Variants in SMAD4 observed in about 807,000 individuals in gnomAD.
SMAD4 encodes MAD homolog 4.
In SMAD4, 7 loss-of-function variants were observed where a neutral mutation model predicts 63.2. That is an observed-to-expected ratio of 0.11 (90% CI 0.06 to 0.21). The LOEUF (loss-of-function observed/expected upper bound fraction) is 0.21. SMAD4 is among the 10% of genes least tolerant of loss of function. The pLI is 1.00. For missense variants in SMAD4, 312 were observed against 693.8 expected, an observed-to-expected ratio of 0.45 and a Z score of 6.18; for synonymous variants, 215 against 235.4, an observed-to-expected ratio of 0.91 and a Z score of 0.79.
chr18:51,034,111 A>T (rs1444181256), intron 1 of SMAD4, among the ~76,000 whole-genome samples: 1 of 152,124 alleles, frequency 6.6e-6, no homozygotes, highest in Non-Finnish European at 1.5e-5. Flanking sequence ...AATTTTTTGC[A>T]GTTTGGAAAA....
At chr18:51,051,413 C>G (rs1327551700) in intron 4 of SMAD4, 1 of 455,612 alleles carries the variant, frequency 2.2e-6, no homozygotes, top group Non-Finnish European at 4.4e-6. Context: ...GATACAAGAG[C>G]AGGTAACTAA....
chr18:51,055,142 T>C (rs551802334), intron 5 of SMAD4, 149 bp downstream of exon 5: 2 of 689,180 alleles, frequency 2.9e-6, no homozygotes, highest in East Asian at 2.7e-5. Flanking sequence ...TAAACAGGTA[T>C]GCACAATCAC....
At position 51,030,565 on chromosome 18, in the gene SMAD4, T is replaced by A. The variant is rs1326393425; in HGVS notation, c.-186T>A. ...CCGCCGGGGAAAGCTACGGGCCCGG[T>A]GCGTCCGCGGACCAGCAGCGCGGGA... On this transcript the variant is annotated 5_prime_UTR_variant, in exon 1 of 12. Transcript: ENST00000342988. The A allele has an allele frequency of 5.3e-5, 8 of 150,236 alleles. No homozygotes were observed. Among genetic ancestry groups the A allele is most frequent in the Non-Finnish European group, 1.0e-4 (7 of 67,396 alleles). The allele number at this position is 150,236 out of a possible 1,614,324, so 9.3% of individuals were successfully genotyped here.
In SMAD4 at chr18:51,083,840, G is replaced by C. The variant is rs908538692; in HGVS notation, c.*5373G>C. 8.6e-6 allele frequency: 2 copies of C among 231,236 alleles called. No homozygotes were observed. Among genetic ancestry groups the C allele is most frequent in the African/African-American group, 4.4e-5 (2 of 45,170 alleles). The allele number at this position is 231,236 out of a possible 1,614,324, so 14.3% of individuals were successfully genotyped here. ...TATCTTTGTTCTGCTGTTTGAGGGG[G>C]CTTTTTACTTATTTCCATGTTATTC... On this transcript the variant is annotated 3_prime_UTR_variant, in exon 12 of 12. Transcript: ENST00000342988.
At chr18:51,056,506 C>G (rs1909847262) in intron 5 of SMAD4, among the ~76,000 whole-genome samples, 1 of 151,470 alleles carries the variant, frequency 6.6e-6, no homozygotes. Context: ...GTAGTCCCAG[C>G]TGCTCCGGGG....
At chr18:51,054,374 C>G (rs1909785015) in intron 4 of SMAD4, 1 of 225,556 alleles carries the variant, frequency 4.4e-6, no homozygotes, top group Non-Finnish European at 8.9e-6. Flanking sequence ...TAGTTAAATA[C>G]TCAGTCTCTA....
intron 10 of SMAD4, among the ~76,000 whole-genome samples, chr18:51,073,388 TACACAC>T (rs201632233): frequency 0.02 from 1,273 of 63,802 alleles, 28 homozygotes; most frequent in Middle Eastern, 0.038. Context: ...TATATATATA[TACACAC>T]ACACACACAC....
intron 8 of SMAD4, among the ~76,000 whole-genome samples, chr18:51,062,214 T>G (rs1910031802): frequency 6.6e-6 from 1 of 152,224 alleles, no homozygotes; most frequent in African/African-American, 2.4e-5. Context: ...ATTTTAAACA[T>G]TTTTGTAGGT....
chr18:51,036,536 C>G (rs1008924833), intron 1 of SMAD4, among the ~76,000 whole-genome samples: 1 of 152,094 alleles, frequency 6.6e-6, no homozygotes, highest in Non-Finnish European at 1.5e-5. Context: ...AATATGCCTA[C>G]TAAAACTAGT....
At chr18:51,037,298 G>A (rs1568200255) in intron 1 of SMAD4, among the ~76,000 whole-genome samples, 1 of 152,194 alleles carries the variant, frequency 6.6e-6, no homozygotes, top group East Asian at 1.9e-4. Context: ...ACAGACTCCT[G>A]GAGATCCCTA....
chr18:51,056,606 CG>C (rs1299513101), intron 5 of SMAD4, among the ~76,000 whole-genome samples: 7 of 116,474 alleles, frequency 6.0e-5, no homozygotes, highest in Middle Eastern at 6.6e-3. Flanking sequence ...GGCGACACAG[CG>C]AGACTCCATC....
chr18:51,032,916 A>G (rs756882518), intron 1 of SMAD4, among the ~76,000 whole-genome samples: 2 of 151,720 alleles, frequency 1.3e-5, no homozygotes, highest in Non-Finnish European at 2.9e-5. Context: ...ATGACTAACC[A>G]TTTTTTTCAT....
chr18:51,034,896 A>G (rs1387295259), intron 1 of SMAD4, among the ~76,000 whole-genome samples: 1 of 152,208 alleles, frequency 6.6e-6, no homozygotes, highest in African/African-American at 2.4e-5. Context: ...GAGCTTTACA[A>G]AATACTGATA....
intron 9 of SMAD4, among the ~76,000 whole-genome samples, chr18:51,066,393 T>C (rs1432552095): frequency 6.6e-6 from 1 of 151,794 alleles, no homozygotes; most frequent in Non-Finnish European, 1.5e-5. Flanking sequence ...ATGCTTACAG[T>C]GAAATATTAC....
At chr18:51,059,533 A>T (rs1299602184) in intron 7 of SMAD4, among the ~76,000 whole-genome samples, 1 of 152,260 alleles carries the variant, frequency 6.6e-6, no homozygotes, top group African/African-American at 2.4e-5. Flanking sequence ...GTTTATTATT[A>T]TACATTGCAT....
chr18:51,038,370 C>T (rs917244546), intron 1 of SMAD4, among the ~76,000 whole-genome samples: 10 of 152,086 alleles, frequency 6.6e-5, no homozygotes, highest in Non-Finnish European at 1.2e-4. Context: ...GTAGGCGATC[C>T]GTTCAAAGTA....
intron 1 of SMAD4, among the ~76,000 whole-genome samples, chr18:51,032,221 T>C (rs1441847198): frequency 6.6e-6 from 1 of 152,226 alleles, no homozygotes; most frequent in Non-Finnish European, 1.5e-5. Context: ...TAGAAGTGGC[T>C]TTTTCTTTGC....
intron 1 of SMAD4, among the ~76,000 whole-genome samples, chr18:51,041,808 A>G (rs1447110385): frequency 6.6e-6 from 1 of 152,216 alleles, no homozygotes; most frequent in Admixed American, 6.5e-5. Context: ...TGTGTATTAT[A>G]TCCTAAGCAG....
Position 51,084,876 on chromosome 18 carries a change from G to A in SMAD4, c.*6409G>A, listed in dbSNP as rs76830638. The stretch of plus-strand genomic sequence containing the variant: ...GCCAGAAGCCAGAGAAGAGCCACTC[G>A]TAGCTTCTGCTTTGGGGACAACTGG... On this transcript the variant is annotated 3_prime_UTR_variant, in exon 12 of 12. Coordinates refer to ENST00000342988, the MANE Select transcript of SMAD4 (RefSeq NM_005359.6). 386 of 223,530 alleles carry A rather than the reference G, an allele frequency of 1.7e-3. 3 individuals are homozygous for A. The highest frequency in any genetic ancestry group is 8.2e-3 in the African/African-American group (369 of 44,878). 13.8% of individuals were successfully genotyped at this position (223,530 alleles called of 1,614,324 possible).
Sources: gnomAD v4.1 joint callset for allele counts (sites outside exome capture counted in the v4.1 genomes callset) on GRCh38, gnomAD v4.1.1 for gene constraint, MANE v1.5 for transcripts, NCBI Gene and HGNC (gene_info 2026-07-23, HGNC 2026-07-21) for gene names.